The following CSTPP1 variants were observed in gnomAD, a reference collection of about 807,000 sequenced individuals.
The protein encoded by CSTPP1 is centriolar satellite-associated tubulin polyglutamylase complex regulator 1.
the CSTPP1 span, among the ~76,000 whole-genome samples, chr11:47,131,959 A>G: frequency 6.6e-6 from 1 of 152,172 alleles, no homozygotes; most frequent in East Asian, 1.9e-4. Flanking sequence ...CCTGGGTGAC[A>G]GAGTGAGACT....
the CSTPP1 span, among the ~76,000 whole-genome samples, chr11:46,998,112 CG>C: frequency 1.3e-5 from 2 of 152,184 alleles, no homozygotes; most frequent in Admixed American, 6.5e-5. Context: ...GGAAATCACC[CG>C]TCTTCTGCGT....
chr11:46,966,360 C>T, the CSTPP1 span, among the ~76,000 whole-genome samples: 3 of 152,198 alleles, frequency 2.0e-5, no homozygotes, highest in Non-Finnish European at 4.4e-5. Context: ...CTTTAAGAAT[C>T]GAGAAGCTCT....
At chr11:47,007,161 T>C in the CSTPP1 span, among the ~76,000 whole-genome samples, 4 of 151,632 alleles carry the variant, frequency 2.6e-5, no homozygotes, top group African/African-American at 9.7e-5. Context: ...GCCTCCTGAG[T>C]AGCTGGGATT....
chr11:46,983,660 T>C, the CSTPP1 span, among the ~76,000 whole-genome samples: 1 of 152,120 alleles, frequency 6.6e-6, no homozygotes, highest in Admixed American at 6.5e-5. Context: ...AAATGTAAAA[T>C]GACACTCTCC....
the CSTPP1 span, among the ~76,000 whole-genome samples, chr11:47,118,780 G>A: frequency 3.3e-5 from 5 of 152,188 alleles, no homozygotes; most frequent in Admixed American, 6.5e-5. Context: ...TATCACCAGC[G>A]GAGGCTGCAG....
At chr11:46,962,607 A>G in the CSTPP1 span, among the ~76,000 whole-genome samples, 1 of 152,174 alleles carries the variant, frequency 6.6e-6, no homozygotes, top group Non-Finnish European at 1.5e-5. Context: ...AATTTCTTTC[A>G]ACAATGTTCT....
chr11:47,162,096 G>A, the CSTPP1 span: 1 of 987,264 alleles, frequency 1.0e-6, no homozygotes, highest in Non-Finnish European at 1.2e-6. Flanking sequence ...TAACCGCTGT[G>A]GCCTGTTGGA....
the CSTPP1 span, among the ~76,000 whole-genome samples, chr11:47,009,090 A>G: frequency 3.0e-5 from 4 of 134,028 alleles, no homozygotes; most frequent in Non-Finnish European, 6.7e-5. Flanking sequence ...TAATCCATGG[A>G]CCCTTCTGTT....
At chr11:47,019,763 T>C in the CSTPP1 span, among the ~76,000 whole-genome samples, 1 of 152,148 alleles carries the variant, frequency 6.6e-6, no homozygotes, top group African/African-American at 2.4e-5. Flanking sequence ...TTGTGAGAAT[T>C]ACCAAAATGT....
the CSTPP1 span, among the ~76,000 whole-genome samples, chr11:46,974,972 A>G: frequency 1.3e-5 from 2 of 151,960 alleles, no homozygotes; most frequent in African/African-American, 2.4e-5. Context: ...ATTTCCTTAT[A>G]AAATAAATAT....
At chr11:47,130,393 C>T in the CSTPP1 span, among the ~76,000 whole-genome samples, 1 of 152,144 alleles carries the variant, frequency 6.6e-6, no homozygotes, top group Non-Finnish European at 1.5e-5. Flanking sequence ...AGGTGTCATT[C>T]GAGGCCATTG....
chr11:47,066,679 A>G, the CSTPP1 span, among the ~76,000 whole-genome samples: 1 of 152,252 alleles, frequency 6.6e-6, no homozygotes, highest in Non-Finnish European at 1.5e-5. Context: ...GCGTTCAGCT[A>G]GCCCACCATA....
the CSTPP1 span, among the ~76,000 whole-genome samples, chr11:47,073,387 A>C: frequency 1.6e-4 from 25 of 152,138 alleles, no homozygotes; most frequent in Middle Eastern, 3.2e-3. Context: ...CAATGGAAGG[A>C]AGCTTTCATC....
chr11:47,101,164 A>ATTTTTTTTTTTTTTT, the CSTPP1 span, among the ~76,000 whole-genome samples: 14 of 30,376 alleles, frequency 4.6e-4, 3 homozygotes, highest in South Asian at 1.5e-3. Flanking sequence ...ACACCGGCTA[A>ATTTTTTTTTTTTTTT]TTTTTTTTTT....
At chr11:47,096,502 G>A in the CSTPP1 span, among the ~76,000 whole-genome samples, 1 of 152,198 alleles carries the variant, frequency 6.6e-6, no homozygotes, top group Admixed American at 6.5e-5. Context: ...TCGGAGTGAA[G>A]GGGAGCAAAC....
chr11:46,987,190 C>G, the CSTPP1 span: 7 of 1,609,994 alleles, frequency 4.3e-6, no homozygotes, highest in African/African-American at 9.4e-5. Flanking sequence ...CTCTTTCTCT[C>G]TTGCTATTTG....
the CSTPP1 span, among the ~76,000 whole-genome samples, chr11:47,101,431 T>C: frequency 6.6e-6 from 1 of 151,834 alleles, no homozygotes; most frequent in Non-Finnish European, 1.5e-5. Context: ...GTATGGATAG[T>C]TTTAAGATGT....
At chr11:47,036,051 ATATATT>A in the CSTPP1 span, among the ~76,000 whole-genome samples, 1 of 11,878 alleles carries the variant, frequency 8.4e-5, no homozygotes, top group African/African-American at 6.4e-4. Context: ...ATATATATAT[ATATATT>A]ATATATATAT....
chr11:47,140,750 T>C, the CSTPP1 span, among the ~76,000 whole-genome samples: 1 of 151,894 alleles, frequency 6.6e-6, no homozygotes, highest in Non-Finnish European at 1.5e-5. Context: ...TGGGCCCAGA[T>C]TGTTTTAAGG....
Sources: gnomAD v4.1 joint callset for allele counts (sites outside exome capture counted in the v4.1 genomes callset) on GRCh38, gnomAD v4.1.1 for gene constraint, MANE v1.5 for transcripts, NCBI Gene and HGNC (gene_info 2026-07-23, HGNC 2026-07-21) for gene names.